The following CTIF variants were observed in gnomAD, a reference collection of about 807,000 sequenced individuals.
The protein encoded by CTIF is CBP80/20-dependent translation initiation factor.
A neutral mutation model predicts 66.0 loss-of-function variants in CTIF; 21 were observed. That is an observed-to-expected ratio of 0.32 (90% CI 0.23 to 0.46). The LOEUF (loss-of-function observed/expected upper bound fraction) is 0.46, where lower values mean the gene tolerates loss of function less well. Ranked by LOEUF, CTIF falls within the 20% of genes least tolerant of loss-of-function variation. CTIF has a pLI of 1.00. For synonymous variants in CTIF, 345 were observed against 326.4 expected (o/e 1.06, Z -0.62); for missense variants, 739 against 812.7 (o/e 0.91, Z 1.10).
chr18:48,603,101 G>T (rs949154866), intron 1 of CTIF, among the ~76,000 whole-genome samples: 13 of 151,130 alleles, frequency 8.6e-5, no homozygotes, highest in Non-Finnish European at 1.3e-4. Flanking sequence ...CTAGATGGGT[G>T]GGTGGGTGAA....
intron 2 of CTIF, among the ~76,000 whole-genome samples, chr18:48,625,854 T>C (rs1414876428): frequency 6.6e-6 from 1 of 152,102 alleles, no homozygotes; most frequent in Non-Finnish European, 1.5e-5. Flanking sequence ...AATAATGGAG[T>C]TTCTTTAGTT....
chr18:48,663,987 G>A (rs2091391296), intron 4 of CTIF, among the ~76,000 whole-genome samples, 162 bp downstream of exon 4: 1 of 152,198 alleles, frequency 6.6e-6, no homozygotes, highest in South Asian at 2.1e-4. Flanking sequence ...GAGAGAGGAG[G>A]CGGTGAGTGT....
At position 48,811,714 on chromosome 18, in the gene CTIF, T is replaced by G. The variant is rs922231575; in HGVS notation, c.1372-5507T>G. On this transcript the variant is annotated intron_variant, in intron 9 of 11. Coordinates refer to ENST00000256413, the MANE Select transcript of CTIF (RefSeq NM_014772.3). ...TTTGCATAATGTGCTGAGGGTTCAT[T>G]CACGTTGCAGCATGTGTCAGAATTT... Among the ~76,000 whole-genome samples, 5 of 152,350 alleles carry G rather than the reference T, an allele frequency of 3.3e-5. No individual in the cohort carries two copies. In the South Asian group the frequency reaches 1.0e-3, roughly 32 times the overall value.
chr18:48,761,799 G>C lies in CTIF; in HGVS notation c.1371+110G>C. 9.2e-7 allele frequency: 1 copy of C among 1,091,618 alleles called. No individual in the cohort carries two copies. Among genetic ancestry groups the C allele is most frequent in the Non-Finnish European group, 1.3e-6 (1 of 768,008 alleles). 67.6% of individuals were successfully genotyped at this position (1,091,618 alleles called of 1,614,324 possible). ...CTGGCCACAGTTGGACTTTTCCCAAGTTCCGCCCTTGCCCGATTAATTATA... is the reference window on the plus strand; with the variant it reads ...CTGGCCACAGTTGGACTTTTCCCAACTTCCGCCCTTGCCCGATTAATTATA... On this transcript the variant is annotated intron_variant, in intron 9 of 11. Transcript: ENST00000256413. The surrounding 1 kb of genome is among the most constrained non-coding windows in gnomAD (Gnocchi z 4.2).
Position 48,772,229 on chromosome 18 carries a change from G to A in CTIF, c.1371+10540G>A, listed in dbSNP as rs568060103. ...TAGCAAGAAGAGAGCTAAACCTAGC[G>A]GGAGGGAGTGGCCACAGAGGAGGAA... On this transcript the variant is annotated intron_variant, in intron 9 of 11. Transcript: ENST00000256413. 6.6e-5 allele frequency among the ~76,000 whole-genome samples: 10 copies of A among 152,318 alleles called. No homozygotes were observed. In the South Asian group the frequency reaches 1.0e-3, roughly 16 times the overall value.
intron 8 of CTIF, chr18:48,760,916 G>A: frequency 6.4e-6 from 1 of 156,302 alleles, no homozygotes; most frequent in East Asian, 1.9e-4. Context: ...TGGAGCTGAG[G>A]GTGTAGGGGA....
intron 2 of CTIF, among the ~76,000 whole-genome samples, chr18:48,633,793 C>T (rs2090765130): frequency 6.6e-6 from 1 of 152,056 alleles, no homozygotes; most frequent in South Asian, 2.1e-4. Flanking sequence ...TGTATGAATA[C>T]ATACATATTA....
intron 1 of CTIF, chr18:48,565,157 C>T (rs971981799): frequency 6.6e-6 from 1 of 152,062 alleles, no homozygotes; most frequent in Non-Finnish European, 1.5e-5. Context: ...CTGATGTCAC[C>T]GTCTGTGTGT....
At position 48,596,164 on chromosome 18, in the gene CTIF, C is replaced by T. The variant is rs1027859247; in HGVS notation, c.-28-23374C>T. Among the ~76,000 whole-genome samples the T allele has an allele frequency of 1.5e-4, 23 of 152,216 alleles. 1 individual carries two copies. The highest frequency in any genetic ancestry group is 4.3e-4 in the African/African-American group (18 of 41,462). Reference sequence around the variant, plus strand: ...CACCATCTTAGAAAGCTGCTTACCACGGTGACATAGAACAGAAAATCCAAA... The same window carrying T: ...CACCATCTTAGAAAGCTGCTTACCATGGTGACATAGAACAGAAAATCCAAA... On this transcript the variant is annotated intron_variant, in intron 1 of 11. Transcript: ENST00000256413.
At chr18:48,717,010 G>A (rs957870822) in intron 7 of CTIF, among the ~76,000 whole-genome samples, 5 of 152,078 alleles carry the variant, frequency 3.3e-5, no homozygotes, top group East Asian at 1.9e-4. Flanking sequence ...CATGCTGGAC[G>A]TTGCAGGGTG....
intron 6 of CTIF, among the ~76,000 whole-genome samples, chr18:48,695,478 G>A (rs189498460): frequency 1.3e-5 from 2 of 152,282 alleles, no homozygotes; most frequent in Admixed American, 1.3e-4. Context: ...TTCCGCTACG[G>A]TTCAATCCTG....
chr18:48,638,808 G>A (rs1006747645), intron 3 of CTIF, among the ~76,000 whole-genome samples: 3 of 152,280 alleles, frequency 2.0e-5, no homozygotes, highest in East Asian at 1.9e-4. Flanking sequence ...CTTGACAGGT[G>A]GAACTGAGAC....
At chr18:48,763,576 A>G (rs1255108342) in intron 9 of CTIF, among the ~76,000 whole-genome samples, 3 of 152,210 alleles carry the variant, frequency 2.0e-5, no homozygotes, top group Non-Finnish European at 4.4e-5. Flanking sequence ...TACTTGTGGG[A>G]TTAGTGTGCT....
At chr18:48,792,045 G>A (rs148888720) in intron 9 of CTIF, among the ~76,000 whole-genome samples, 8 of 152,368 alleles carry the variant, frequency 5.3e-5, no homozygotes, top group Non-Finnish European at 8.8e-5. Context: ...GCGAGGAGGG[G>A]ATGATAAGCA....
At chr18:48,669,525 G>A (rs1280454722) in intron 5 of CTIF, among the ~76,000 whole-genome samples, 2 of 151,926 alleles carry the variant, frequency 1.3e-5, no homozygotes, top group African/African-American at 4.8e-5. Context: ...TTTGCATGAG[G>A]CTGGGTTGGC....
At chr18:48,617,237 A>C (rs536584397) in intron 1 of CTIF, among the ~76,000 whole-genome samples, 1 of 152,282 alleles carries the variant, frequency 6.6e-6, no homozygotes, top group East Asian at 1.9e-4. Context: ...CTTTTCCTTC[A>C]AGCCAGCAAC....
intron 7 of CTIF, among the ~76,000 whole-genome samples, chr18:48,731,594 T>C (rs1395533561): frequency 6.6e-6 from 1 of 152,150 alleles, no homozygotes; most frequent in Non-Finnish European, 1.5e-5. Context: ...CTGTGATAAG[T>C]GAAAGGTGTG....
intron 7 of CTIF, among the ~76,000 whole-genome samples, chr18:48,731,648 A>G (rs1024097613): frequency 6.6e-6 from 1 of 152,246 alleles, no homozygotes; most frequent in Non-Finnish European, 1.5e-5. Context: ...GAAATTATCC[A>G]TATAAACCAC....
chr18:48,781,111 G>A (rs1911168989), intron 9 of CTIF, among the ~76,000 whole-genome samples: 1 of 152,208 alleles, frequency 6.6e-6, no homozygotes, highest in Non-Finnish European at 1.5e-5. Context: ...ACCCCAAAGG[G>A]TTTGCTTGCA....
Sources: gnomAD v4.1 joint callset for allele counts (sites outside exome capture counted in the v4.1 genomes callset) on GRCh38, gnomAD v4.1.1 for gene constraint, Gnocchi (gnomAD v3.1) non-coding constraint, MANE v1.5 for transcripts, NCBI Gene and HGNC (gene_info 2026-07-23, HGNC 2026-07-21) for gene names.